The following LRRFIP1 variants were observed in gnomAD, a reference collection of about 807,000 sequenced individuals.
LRRFIP1 encodes LRR binding FLII interacting protein 1.
A neutral mutation model predicts 104.4 loss-of-function variants in LRRFIP1; 62 were observed. That is an observed-to-expected ratio of 0.59 (90% CI 0.48 to 0.73). The LOEUF is 0.73. LRRFIP1 is among the 30% of genes least tolerant of loss of function. The pLI is 0.00. For synonymous variants in LRRFIP1, 300 were observed against 299.0 expected, an observed-to-expected ratio of 1.00 and a Z score of -0.03; for missense variants, 796 against 824.5, an observed-to-expected ratio of 0.97 and a Z score of 0.42.
At chr2:237,698,342 C>A (rs192842215) in intron 1 of LRRFIP1, among the ~76,000 whole-genome samples, 1 of 152,218 alleles carries the variant, frequency 6.6e-6, no homozygotes, top group African/African-American at 2.4e-5. Context: ...TATCCAGGCT[C>A]ACATAACTGT....
intron 19 of LRRFIP1, chr2:237,763,815 C>G (rs2060093354): frequency 3.1e-6 from 5 of 1,613,970 alleles, no homozygotes; most frequent in Non-Finnish European, 4.2e-6. Context: ...GAAGGTGTTG[C>G]AAAAGATAAT....
At chr2:237,694,888 T>G (rs1251679991) in intron 1 of LRRFIP1, among the ~76,000 whole-genome samples, 1 of 152,242 alleles carries the variant, frequency 6.6e-6, no homozygotes, top group Admixed American at 6.5e-5. Context: ...TGATTAGCAT[T>G]CAGCCCTTCT....
chr2:237,762,886 T>A (rs1389058528), intron 19 of LRRFIP1: 1 of 1,614,108 alleles, frequency 6.2e-7, no homozygotes, highest in Non-Finnish European at 8.5e-7. Flanking sequence ...TTGAGTCAAA[T>A]GAGGTCATGG....
intron 23 of LRRFIP1, among the ~76,000 whole-genome samples, chr2:237,775,537 A>G (rs546625860): frequency 6.5e-4 from 99 of 152,316 alleles, no homozygotes; most frequent in South Asian, 1.2e-3. Context: ...TTATGTTTCA[A>G]TAGGATCACT....
At chr2:237,716,993 T>C (rs1274951540) in intron 3 of LRRFIP1, among the ~76,000 whole-genome samples, 2 of 152,208 alleles carry the variant, frequency 1.3e-5, no homozygotes, top group East Asian at 3.9e-4. Flanking sequence ...TAAACTCTTT[T>C]AAAACATTAT....
intron 22 of LRRFIP1, chr2:237,774,032 C>T: frequency 3.8e-6 from 1 of 260,968 alleles, no homozygotes; most frequent in South Asian, 5.8e-5. Context: ...CGTCCCTTAC[C>T]AGCACCATTC....
rs549310680 is a variant in LRRFIP1, at chr2:237,753,293, G to T, written c.868-16G>T. The T allele has an allele frequency of 3.2e-6, 5 of 1,550,678 alleles. No homozygotes were observed. The highest frequency in any genetic ancestry group is 4.8e-5 in the East Asian group (2 of 41,962). ...TTTTTTATTGCAATTTCAAAAATATGACCTGCTTTCCACAGGACTCTCTAG... is the reference window on the plus strand; with the variant it reads ...TTTTTTATTGCAATTTCAAAAATATTACCTGCTTTCCACAGGACTCTCTAG... On this transcript the variant is annotated splice_polypyrimidine_tract_variant and intron_variant, in intron 14 of 23. Coordinates refer to ENST00000308482, the MANE Select transcript of LRRFIP1 (RefSeq NM_001137550.2).
chr2:237,702,740 G>A (rs192864300), intron 1 of LRRFIP1, among the ~76,000 whole-genome samples: 4 of 152,168 alleles, frequency 2.6e-5, no homozygotes, highest in African/African-American at 9.7e-5. Context: ...CACGGCAGGG[G>A]CCCTTATCTT....
At chr2:237,716,405 G>T (rs1346470681) in intron 3 of LRRFIP1, among the ~76,000 whole-genome samples, 1 of 152,042 alleles carries the variant, frequency 6.6e-6, no homozygotes, top group Non-Finnish European at 1.5e-5. Flanking sequence ...TTGTACTCAT[G>T]TCCTTTTTGT....
chr2:237,734,616 T>G (rs1047174902), intron 9 of LRRFIP1, among the ~76,000 whole-genome samples: 10 of 152,190 alleles, frequency 6.6e-5, no homozygotes, highest in Admixed American at 5.9e-4. Context: ...GATTGCATAC[T>G]TATGTGTTTG....
chr2:237,666,592 C>T (rs2089292661), intron 1 of LRRFIP1, among the ~76,000 whole-genome samples: 1 of 151,638 alleles, frequency 6.6e-6, no homozygotes, highest in African/African-American at 2.4e-5. Flanking sequence ...TTCCTGGAGA[C>T]AGGGAGGCCC....
chr2:237,643,532 A>G (rs1308342090), intron 1 of LRRFIP1, among the ~76,000 whole-genome samples: 2 of 152,230 alleles, frequency 1.3e-5, no homozygotes, highest in African/African-American at 4.8e-5. Context: ...CTTCGGTCAT[A>G]ACCGTTACCA....
intron 1 of LRRFIP1, among the ~76,000 whole-genome samples, chr2:237,694,829 T>A (rs2149801517): frequency 6.6e-6 from 1 of 152,358 alleles, no homozygotes; most frequent in East Asian, 1.9e-4. Flanking sequence ...CTTTTGTAAC[T>A]TCCCTGTGTT....
At chr2:237,657,941 G>C (rs114531111) in intron 1 of LRRFIP1, among the ~76,000 whole-genome samples, 118 of 152,260 alleles carry the variant, frequency 7.7e-4, no homozygotes, top group African/African-American at 2.8e-3. Flanking sequence ...AAACCCCAAG[G>C]TTCAGAACGA....
intron 14 of LRRFIP1, among the ~76,000 whole-genome samples, chr2:237,752,908 A>G (rs181959558): frequency 6.6e-6 from 1 of 152,296 alleles, no homozygotes; most frequent in Non-Finnish European, 1.5e-5. Context: ...CTCTTTCACA[A>G]GGGCTGGTCA....
intron 1 of LRRFIP1, among the ~76,000 whole-genome samples, chr2:237,630,669 G>A (rs988941026): frequency 6.6e-6 from 1 of 152,238 alleles, no homozygotes; most frequent in African/African-American, 2.4e-5. Context: ...AACCCTGACT[G>A]GACTGACATT....
chr2:237,646,573 C>T (rs754818830), intron 1 of LRRFIP1, among the ~76,000 whole-genome samples: 30 of 151,966 alleles, frequency 2.0e-4, no homozygotes, highest in Non-Finnish European at 3.5e-4. Flanking sequence ...AAGCCCTAAC[C>T]CCCAGTGTAG....
At chr2:237,679,094 A>G (rs1356713395) in intron 1 of LRRFIP1, among the ~76,000 whole-genome samples, 3 of 152,192 alleles carry the variant, frequency 2.0e-5, no homozygotes, top group Non-Finnish European at 2.9e-5. Flanking sequence ...AGCATCAACA[A>G]TGAAAATCAC....
At chr2:237,754,422 T>G (rs936153682) in intron 15 of LRRFIP1, among the ~76,000 whole-genome samples, 1 of 151,206 alleles carries the variant, frequency 6.6e-6, no homozygotes, top group Non-Finnish European at 1.5e-5. Flanking sequence ...TGTGTTAAGA[T>G]AAGTAATGAC....
Sources: allele counts gnomAD v4.1 joint callset (sites outside exome capture counted in the v4.1 genomes callset), GRCh38; gene constraint gnomAD v4.1.1; transcripts MANE v1.5; gene names NCBI Gene and HGNC (gene_info 2026-07-23, HGNC 2026-07-21).